Variants in DCC observed in about 807,000 individuals in gnomAD.
DCC encodes the protein DCC netrin 1 receptor.
A neutral mutation model predicts 172.5 loss-of-function variants in DCC; 58 were observed. The ratio of observed to expected loss-of-function variants is 0.34; its 90% confidence interval spans 0.27 to 0.42. The LOEUF (loss-of-function observed/expected upper bound fraction) is 0.42, where lower values mean the gene tolerates loss of function less well. Among genes scored for constraint, DCC ranks in the 10% least tolerant of loss-of-function variants. The pLI, the probability that DCC is intolerant of heterozygous loss-of-function variation, is 1.00. For missense variants in DCC, 1,740 were observed against 1,791.0 expected, an observed-to-expected ratio of 0.97 and a Z score of 0.51; for synonymous variants, 709 against 644.5, an observed-to-expected ratio of 1.10 and a Z score of -1.52.
intron 8 of DCC, among the ~76,000 whole-genome samples, chr18:53,175,888 G>T (rs942482062): frequency 6.6e-6 from 1 of 152,138 alleles, no homozygotes; most frequent in Non-Finnish European, 1.5e-5. Context: ...TAAGCCAAAA[G>T]AACAAAGCTG....
At chr18:52,403,253 T>C (rs12104102) in intron 1 of DCC, among the ~76,000 whole-genome samples, 17,851 of 152,056 alleles carry the variant, frequency 0.12, 1,248 homozygotes, top group Middle Eastern at 0.17. Flanking sequence ...GTAGGCCAGA[T>C]CCTGGTGACA....
chr18:52,765,578 G>A lies in DCC; in HGVS notation c.412+13204G>A, dbSNP rs147276477. Among the ~76,000 whole-genome samples, 251 of 152,216 alleles carry A rather than the reference G, an allele frequency of 1.6e-3. No individual in the cohort carries two copies. In the East Asian group the frequency reaches 0.021, roughly 13 times the overall value. Reference sequence around the variant, plus strand: ...AGGCTCCATCTTCTTTGTGCTCACCGTAATCTATCCTTCCCTCTGTCATTG... The same window carrying A: ...AGGCTCCATCTTCTTTGTGCTCACCATAATCTATCCTTCCCTCTGTCATTG... On this transcript the variant is annotated intron_variant, in intron 2 of 28. Transcript: ENST00000442544.
chr18:52,949,239 C>T (rs942989730), intron 5 of DCC, among the ~76,000 whole-genome samples: 12 of 152,198 alleles, frequency 7.9e-5, no homozygotes, highest in African/African-American at 2.4e-4. Flanking sequence ...ACTGCTGTAA[C>T]AATTTGCTTT....
At chr18:52,734,488 C>T (rs1466965479) in intron 1 of DCC, among the ~76,000 whole-genome samples, 10 of 152,074 alleles carry the variant, frequency 6.6e-5, no homozygotes, top group African/African-American at 2.4e-4. Flanking sequence ...ACTTTTAAAA[C>T]CTTGGCTGAC....
intron 12 of DCC, among the ~76,000 whole-genome samples, chr18:53,253,793 A>G (rs2056471813): frequency 6.6e-6 from 1 of 152,076 alleles, no homozygotes; most frequent in Non-Finnish European, 1.5e-5. Flanking sequence ...GATTGAAACT[A>G]ATTATAAATC....
chr18:53,529,038 TCACACACACACACA>T (rs140593675), intron 28 of DCC, among the ~76,000 whole-genome samples: 25 of 65,260 alleles, frequency 3.8e-4, no homozygotes, highest in African/African-American at 1.4e-3. Context: ...TCTCTCTCTC[TCACACACACACACA>T]CACACACACA....
At chr18:52,476,269 G>A (rs1489879666) in intron 1 of DCC, among the ~76,000 whole-genome samples, 2 of 151,960 alleles carry the variant, frequency 1.3e-5, no homozygotes, top group African/African-American at 4.8e-5. Context: ...TTTCATTTCT[G>A]ACAGAAACCA....
chr18:52,614,005 A>T (rs1022085252), intron 1 of DCC, among the ~76,000 whole-genome samples: 3 of 152,188 alleles, frequency 2.0e-5, no homozygotes, highest in African/African-American at 7.2e-5. Flanking sequence ...TGTTAAGCTC[A>T]GGGCAAAGGG....
At chr18:53,296,072 TTCTC>T (rs1179445792) in intron 12 of DCC, among the ~76,000 whole-genome samples, 1 of 152,132 alleles carries the variant, frequency 6.6e-6, no homozygotes, top group Non-Finnish European at 1.5e-5. Context: ...GCTAGACAAT[TTCTC>T]TCTCTCAGTG....
chr18:53,446,215 G>T (rs1317187371), intron 22 of DCC, among the ~76,000 whole-genome samples: 2 of 151,772 alleles, frequency 1.3e-5, no homozygotes, highest in Admixed American at 6.6e-5. Context: ...GAGGCTAAGA[G>T]TTCAAGGCTA....
At chr18:52,348,881 T>C (rs1598852257) in intron 1 of DCC, among the ~76,000 whole-genome samples, 1 of 152,314 alleles carries the variant, frequency 6.6e-6, no homozygotes, top group East Asian at 1.9e-4. Context: ...GCCATGTTAG[T>C]ATCCTGCCTT....
At chr18:53,113,443 A>T (rs531218546) in intron 7 of DCC, among the ~76,000 whole-genome samples, 1 of 151,522 alleles carries the variant, frequency 6.6e-6, no homozygotes, top group South Asian at 2.1e-4. Context: ...TCTTACCTGT[A>T]TATATTGATT....
intron 2 of DCC, among the ~76,000 whole-genome samples, chr18:52,894,694 G>A (rs1255443079): frequency 6.6e-6 from 1 of 151,800 alleles, no homozygotes; most frequent in Middle Eastern, 3.2e-3. Context: ...GAGACTTGAT[G>A]GTGAAAGTTC....
At chr18:52,928,105 G>A (rs1310183934) in intron 5 of DCC, among the ~76,000 whole-genome samples, 3 of 152,074 alleles carry the variant, frequency 2.0e-5, no homozygotes, top group Non-Finnish European at 4.4e-5. Flanking sequence ...CAAGATCATG[G>A]CCTTTGCTGC....
At chr18:52,872,347 C>T (rs2039334467) in intron 2 of DCC, among the ~76,000 whole-genome samples, 1 of 152,098 alleles carries the variant, frequency 6.6e-6, no homozygotes, top group Non-Finnish European at 1.5e-5. Context: ...ATGTTCCTTT[C>T]AGACTTTTAA....
intron 12 of DCC, among the ~76,000 whole-genome samples, chr18:53,256,341 T>G (rs545824423): frequency 6.6e-6 from 1 of 152,332 alleles, no homozygotes; most frequent in East Asian, 1.9e-4. Context: ...TTTTTATGGT[T>G]TTAGGTCTAA....
intron 2 of DCC, among the ~76,000 whole-genome samples, chr18:52,784,735 C>T (rs1054199279): frequency 2.6e-5 from 4 of 151,992 alleles, no homozygotes; most frequent in African/African-American, 9.6e-5. Flanking sequence ...CTATTCAGAT[C>T]GTTTACCCAC....
chr18:52,580,370 C>T (rs1232459478), intron 1 of DCC, among the ~76,000 whole-genome samples: 1 of 152,144 alleles, frequency 6.6e-6, no homozygotes, highest in Non-Finnish European at 1.5e-5. Context: ...TTTTTAGAGA[C>T]TTCTGGATAA....
At chr18:52,369,229 ATTCTTTGTGGGTTTTTT>A (rs1179292165) in intron 1 of DCC, among the ~76,000 whole-genome samples, 3 of 151,702 alleles carry the variant, frequency 2.0e-5, no homozygotes, top group East Asian at 3.9e-4. Context: ...TACTTCTATA[ATTCTTTGTGGGTTTTTT>A]TTCTTTGTGG....
Sources: allele counts gnomAD v4.1 joint callset (sites outside exome capture counted in the v4.1 genomes callset), GRCh38; gene constraint gnomAD v4.1.1; transcripts MANE v1.5; gene names NCBI Gene and HGNC (gene_info 2026-07-23, HGNC 2026-07-21).